The following MYO1E variants were observed in gnomAD, a reference collection of about 807,000 sequenced individuals.
The protein encoded by MYO1E is myosin IE.
Under a neutral mutation model 151.1 loss-of-function variants are expected in MYO1E, and 68 were observed. That is an observed-to-expected ratio of 0.45 (90% CI 0.37 to 0.55). MYO1E has a LOEUF of 0.55. MYO1E is among the 20% of genes least tolerant of loss of function. MYO1E has a pLI of 0.00. For missense variants in MYO1E, 1,363 were observed against 1,389.3 expected (o/e 0.98, Z 0.30); for synonymous variants, 601 against 501.7 (o/e 1.20, Z -2.64).
At chr15:59,155,298 A>G (rs1191721847) in intron 25 of MYO1E, among the ~76,000 whole-genome samples, 10 of 152,240 alleles carry the variant, frequency 6.6e-5, no homozygotes, top group African/African-American at 9.6e-5. Flanking sequence ...GTTGCATCTT[A>G]TAATAAGACA....
At chr15:59,190,916 G>C (rs1490494426) in intron 17 of MYO1E, among the ~76,000 whole-genome samples, 1 of 152,096 alleles carries the variant, frequency 6.6e-6, no homozygotes, top group Non-Finnish European at 1.5e-5. Context: ...AATCCATGAG[G>C]TATACAGGAC....
intron 1 of MYO1E, among the ~76,000 whole-genome samples, chr15:59,357,595 TG>T (rs2080862242): frequency 8.9e-4 from 2 of 2,254 alleles, no homozygotes; most frequent in East Asian, 0.05. Flanking sequence ...TGGCTATTTT[TG>T]TTGTTGTTGT....
intron 14 of MYO1E, chr15:59,206,865 C>G (rs1188213980): frequency 1.6e-4 from 237 of 1,459,932 alleles, no homozygotes; most frequent in Non-Finnish European, 2.0e-4. Flanking sequence ...GTCCTGCCAA[C>G]GGCTCTCTTG....
chr15:59,368,725 G>A (rs1474856760), intron 1 of MYO1E, among the ~76,000 whole-genome samples: 2 of 151,836 alleles, frequency 1.3e-5, no homozygotes, highest in African/African-American at 4.8e-5. Context: ...CAGCCCGGGC[G>A]ACAGTGAGAG....
chr15:59,193,496 G>A (rs901719383), intron 17 of MYO1E, among the ~76,000 whole-genome samples: 3 of 152,158 alleles, frequency 2.0e-5, no homozygotes, highest in Admixed American at 2.0e-4. Flanking sequence ...AAAAGCAGAG[G>A]CCAAATTAAG....
Position 59,158,528 on chromosome 15 carries a change from G to A in MYO1E, c.2786-149C>T, listed in dbSNP as rs113096062. Reference sequence around the variant, plus strand: ...GAACAGTTGCAGTGGAGAAGGAGCCGTTGAGGGAAGTATGTAATGGTAGCT... The same window carrying A: ...GAACAGTTGCAGTGGAGAAGGAGCCATTGAGGGAAGTATGTAATGGTAGCT... On this transcript the variant is annotated intron_variant, in intron 24 of 27. Coordinates refer to ENST00000288235, the MANE Select transcript of MYO1E (RefSeq NM_004998.4). 1,310 of 686,696 alleles carry A rather than the reference G, an allele frequency of 1.9e-3. 12 individuals carry two copies. The African/African-American group carries it at 0.02, about 11-fold the overall frequency. 42.5% of individuals were successfully genotyped at this position (686,696 alleles called of 1,614,324 possible).
At chr15:59,216,643 A>T (rs1252522002) in intron 10 of MYO1E, among the ~76,000 whole-genome samples, 4 of 43,476 alleles carry the variant, frequency 9.2e-5, no homozygotes, top group South Asian at 7.2e-4. Context: ...AAGGGCCCCC[A>T]GTGTGTGTGT....
intron 1 of MYO1E, among the ~76,000 whole-genome samples, chr15:59,332,289 T>C (rs2080702794): frequency 6.6e-6 from 1 of 152,170 alleles, no homozygotes; most frequent in African/African-American, 2.4e-5. Flanking sequence ...GAGACAAAAG[T>C]GTGTGATAGG....
At chr15:59,304,280 G>A (rs548261820) in intron 1 of MYO1E, among the ~76,000 whole-genome samples, 4 of 152,254 alleles carry the variant, frequency 2.6e-5, no homozygotes, top group South Asian at 4.1e-4. Flanking sequence ...ACTGCGGCCC[G>A]CCTATTTTCT....
At chr15:59,324,946 T>G (rs2080653870) in intron 1 of MYO1E, among the ~76,000 whole-genome samples, 1 of 81,862 alleles carries the variant, frequency 1.2e-5, no homozygotes, top group African/African-American at 4.4e-5. Context: ...CTAAGGCTTT[T>G]TAGAAAAAAA....
intron 27 of MYO1E, 26 bp from the exon 28 acceptor site, chr15:59,137,482 G>A (rs954075890): frequency 1.9e-6 from 3 of 1,603,878 alleles, no homozygotes; most frequent in Non-Finnish European, 2.6e-6. Context: ...GGTGGTGGAA[G>A]TGAAGATGAG....
intron 4 of MYO1E, among the ~76,000 whole-genome samples, chr15:59,249,922 C>G (rs886488082): frequency 1.3e-5 from 2 of 152,206 alleles, no homozygotes; most frequent in Non-Finnish European, 2.9e-5. Flanking sequence ...TTCCTCCTCT[C>G]CAACATTATT....
In MYO1E at chr15:59,231,548, C is replaced by T. The variant is rs374518712; in HGVS notation, c.510+154G>A. ...CAAAAAAAGGCAAACTGCAGCTTGG[C>T]GGCATGCTGCTATAGAAAATGAAGG... On this transcript the variant is annotated intron_variant, in intron 6 of 27. Transcript: ENST00000288235. Among the ~76,000 whole-genome samples, 109 of 152,224 alleles carry T rather than the reference C, an allele frequency of 7.2e-4. 1 individual carries two copies. Among genetic ancestry groups the T allele is most frequent in the African/African-American group, 2.6e-3 (107 of 41,520 alleles).
rs371469523 is a variant in MYO1E at position 59,177,494 on chromosome 15, A to T, written c.2049+899T>A. Among the ~76,000 whole-genome samples, 6 of 152,172 alleles carry T rather than the reference A, an allele frequency of 3.9e-5. No individual in the cohort carries two copies. The East Asian group carries it at 1.2e-3, about 29-fold the overall frequency. On this transcript the variant is annotated intron_variant, in intron 19 of 27. Transcript: ENST00000288235. Reference sequence around the variant, plus strand: ...CATATGATTTCCCCTTGGTCTGATGACTGATTTCTGCCAAGTTCATCACTG... The same window carrying T: ...CATATGATTTCCCCTTGGTCTGATGTCTGATTTCTGCCAAGTTCATCACTG...
At chr15:59,334,975 CA>C (rs1449666186) in intron 1 of MYO1E, among the ~76,000 whole-genome samples, 1 of 152,168 alleles carries the variant, frequency 6.6e-6, no homozygotes, top group African/African-American at 2.4e-5. Flanking sequence ...TTGCAAAAAA[CA>C]CATCCACCAA....
chr15:59,323,581 G>A (rs967467142), intron 1 of MYO1E, among the ~76,000 whole-genome samples: 23 of 151,334 alleles, frequency 1.5e-4, no homozygotes, highest in African/African-American at 5.1e-4. Context: ...GCATGACCCC[G>A]GGAGGTGGAG....
intron 1 of MYO1E, among the ~76,000 whole-genome samples, chr15:59,277,339 G>A (rs556262469): frequency 2.0e-5 from 3 of 152,172 alleles, no homozygotes; most frequent in African/African-American, 7.2e-5. Context: ...AAGCTCAAGA[G>A]ATCAAGACCA....
At chr15:59,291,615 C>T (rs1453037065) in intron 1 of MYO1E, among the ~76,000 whole-genome samples, 1 of 138,102 alleles carries the variant, frequency 7.2e-6, no homozygotes, top group Non-Finnish European at 1.5e-5. Flanking sequence ...GCGTGCGGAT[C>T]ACCTGAGATC....
chr15:59,199,669 T>C (rs1447218557), intron 16 of MYO1E, among the ~76,000 whole-genome samples: 1 of 152,210 alleles, frequency 6.6e-6, no homozygotes, highest in African/African-American at 2.4e-5. Flanking sequence ...AGTTAAATCC[T>C]ACAAATCAGT....
Sources: gnomAD v4.1 joint callset for allele counts (sites outside exome capture counted in the v4.1 genomes callset) on GRCh38, gnomAD v4.1.1 for gene constraint, MANE v1.5 for transcripts, NCBI Gene and HGNC (gene_info 2026-07-23, HGNC 2026-07-21) for gene names.